The following NOS1 variants were observed in gnomAD, a reference collection of about 807,000 sequenced individuals.
NOS1 encodes the protein nitric oxide synthase 1.
A neutral mutation model predicts 164.5 loss-of-function variants in NOS1; 51 were observed. That is an observed-to-expected ratio of 0.31 (90% CI 0.25 to 0.39). The LOEUF (loss-of-function observed/expected upper bound fraction) is 0.39, where lower values mean the gene tolerates loss of function less well. NOS1 is among the 10% of genes least tolerant of loss of function. The pLI, the probability that NOS1 is intolerant of heterozygous loss-of-function variation, is 1.00. For missense variants in NOS1, 1,362 were observed against 1,885.6 expected (o/e 0.72, Z 5.14); for synonymous variants, 719 against 745.8 (o/e 0.96, Z 0.59).
At chr12:117,262,120 C>T (rs1871954188) in intron 13 of NOS1, among the ~76,000 whole-genome samples, 1 of 152,166 alleles carries the variant, frequency 6.6e-6, no homozygotes, top group African/African-American at 2.4e-5. Context: ...TGCAGGAAGA[C>T]TTAGCTAAGG....
chr12:117,273,539 A>G (rs1217831013), intron 9 of NOS1, among the ~76,000 whole-genome samples: 3 of 152,152 alleles, frequency 2.0e-5, no homozygotes, highest in African/African-American at 4.8e-5. Flanking sequence ...CACCAACTGA[A>G]TAGTTTCCCC....
At position 117,209,358 on chromosome 12, in the gene NOS1, A is replaced by C; in HGVS notation, c.*5951T>G. 1 of 980,974 alleles carries C rather than the reference A, an allele frequency of 1.0e-6. No individual in the cohort carries two copies. Among genetic ancestry groups the C allele is most frequent in the Non-Finnish European group, 1.2e-6 (1 of 825,908 alleles). 60.8% of individuals were successfully genotyped at this position (980,974 alleles called of 1,614,324 possible). ...CTACAGTACCCAAGACGGCCCCCACAAGAAAGAATTACCCAGCCCCAAATG... is the reference window on the plus strand; with the variant it reads ...CTACAGTACCCAAGACGGCCCCCACCAGAAAGAATTACCCAGCCCCAAATG... On this transcript the variant is annotated 3_prime_UTR_variant, in exon 29 of 29. Transcript: ENST00000317775.
chr12:117,288,409 A>G (rs1872848204), intron 4 of NOS1, among the ~76,000 whole-genome samples, 190 bp from the exon 5 acceptor site: 1 of 152,188 alleles, frequency 6.6e-6, no homozygotes, highest in African/African-American at 2.4e-5. Context: ...AATAAGTAGC[A>G]TTTTAAGGTT....
At position 117,284,766 on chromosome 12, in the gene NOS1, G is replaced by A. The variant is rs572407588; in HGVS notation, c.1382+475C>T. On this transcript the variant is annotated intron_variant, in intron 7 of 28. Coordinates refer to ENST00000317775, the MANE Select transcript of NOS1 (RefSeq NM_000620.5). ...GGATGGTGTATGGAATAAAGATGCC[G>A]GGGCTGGGCGTGGTGGCTCATGCCT... 6.6e-5 allele frequency among the ~76,000 whole-genome samples: 10 copies of A among 152,132 alleles called. No homozygotes were observed. The East Asian group carries it at 1.5e-3, about 24-fold the overall frequency.
chr12:117,297,015 G>T (rs1203427025), intron 3 of NOS1, among the ~76,000 whole-genome samples: 1 of 152,192 alleles, frequency 6.6e-6, no homozygotes, highest in African/African-American at 2.4e-5. Context: ...AGCCACCCAG[G>T]CAATGGTCCT....
chr12:117,269,736 G>C (rs1373495701), intron 10 of NOS1, among the ~76,000 whole-genome samples: 3 of 152,158 alleles, frequency 2.0e-5, no homozygotes, highest in Non-Finnish European at 4.4e-5. Flanking sequence ...AAAGTGCTGG[G>C]ATTACAGGCG....
At chr12:117,349,677 A>G (rs1876528015) in intron 1 of NOS1, among the ~76,000 whole-genome samples, 1 of 152,200 alleles carries the variant, frequency 6.6e-6, no homozygotes, top group Non-Finnish European at 1.5e-5. Flanking sequence ...CCCAGGGCTT[A>G]GCATGGTACC....
chr12:117,299,449 T>C (rs1343013733), intron 3 of NOS1, among the ~76,000 whole-genome samples: 2 of 151,868 alleles, frequency 1.3e-5, no homozygotes, highest in Non-Finnish European at 2.9e-5. Flanking sequence ...CCATCCTGGC[T>C]AACACGGTGA....
chr12:117,222,963 A>G, intron 25 of NOS1, 100 bp from the exon 26 acceptor site: 1 of 1,366,324 alleles, frequency 7.3e-7, no homozygotes, highest in Non-Finnish European at 1.0e-6. Flanking sequence ...AGCGTGTGCC[A>G]TGCGGATAGA....
intron 11 of NOS1, among the ~76,000 whole-genome samples, 183 bp downstream of exon 11, chr12:117,267,860 C>G (rs1163338232): frequency 6.6e-6 from 1 of 151,534 alleles, no homozygotes; most frequent in Non-Finnish European, 1.5e-5. Flanking sequence ...ATCAAATGGT[C>G]CCCACCCAAG....
rs955827186 is a variant in NOS1 at position 117,213,307 on chromosome 12, G to A, written c.*2002C>T. The A allele has an allele frequency of 1.1e-5, 11 of 985,398 alleles. No homozygotes were observed. The highest frequency in any genetic ancestry group is 4.7e-5 in the South Asian group (1 of 21,296). The allele number at this position is 985,398 out of a possible 1,614,324, so 61.0% of individuals were successfully genotyped here. On this transcript the variant is annotated 3_prime_UTR_variant, in exon 29 of 29. Transcript: ENST00000317775. ...TTGGGAGGAAAGCTACTAGGAGCTG[G>A]AAATGGGTTTGCAGGAAAGGAGTTT...
At position 117,212,122 on chromosome 12, in the gene NOS1, G is replaced by A. The variant is rs1956537718; in HGVS notation, c.*3187C>T. On this transcript the variant is annotated 3_prime_UTR_variant, in exon 29 of 29. Coordinates refer to ENST00000317775, the MANE Select transcript of NOS1 (RefSeq NM_000620.5). Reference sequence around the variant, plus strand: ...GAGGAACTGTGTTTTGCTTATCTCTGCAAACTGCCCGGTGCCTTCCACACA... The same window carrying A: ...GAGGAACTGTGTTTTGCTTATCTCTACAAACTGCCCGGTGCCTTCCACACA... The A allele has an allele frequency of 1.0e-6, 1 of 985,152 alleles. No individual in the cohort carries two copies. Among genetic ancestry groups the A allele is most frequent in the South Asian group, 4.7e-5 (1 of 21,292 alleles). The allele number at this position is 985,152 out of a possible 1,614,324, so 61.0% of individuals were successfully genotyped here. A position where few individuals can be genotyped will look rare whatever the true frequency, so the allele number is the denominator to read the frequency against.
intron 1 of NOS1, among the ~76,000 whole-genome samples, chr12:117,337,693 G>A (rs1173432801): frequency 6.6e-6 from 1 of 152,170 alleles, no homozygotes; most frequent in African/African-American, 2.4e-5. Flanking sequence ...GGTGGGGGTA[G>A]CATGGAAAGA....
chr12:117,215,497 C>T (rs1027942592), intron 28 of NOS1, among the ~76,000 whole-genome samples, 173 bp from the exon 29 acceptor site: 8 of 150,934 alleles, frequency 5.3e-5, no homozygotes, highest in Non-Finnish European at 1.2e-4. Context: ...AGTGCAGTGG[C>T]ACGATCCCAG....
chr12:117,343,144 T>C (rs1236975966), intron 1 of NOS1, among the ~76,000 whole-genome samples: 1 of 149,596 alleles, frequency 6.7e-6, no homozygotes, highest in Non-Finnish European at 1.5e-5. Context: ...GCCTGAGTAA[T>C]ATAGTAGGAC....
At chr12:117,295,227 G>A (rs1050127900) in intron 3 of NOS1, among the ~76,000 whole-genome samples, 7 of 152,194 alleles carry the variant, frequency 4.6e-5, no homozygotes, top group Admixed American at 2.6e-4. Flanking sequence ...ATCTGCAGAC[G>A]GCGTGGCCCA....
At position 117,268,063 on chromosome 12, in the gene NOS1, C is replaced by A; in HGVS notation, c.1921G>T (p.Ala641Ser). Residue 641 changes from alanine to serine, a missense_variant, in exon 11 of 29, where the codon GCG becomes TCG. This residue lies in a region of NOS1 where 134 missense variants were observed against 267.3 expected (regional missense o/e 0.50). Transcript: ENST00000317775. The stretch of plus-strand genomic sequence containing the variant: ...GTTACCTGGAAGCTATAGAGAACCG[C>A]GATATTGATCTCCACCAGCGCCTGG... ...KDQALVEINI[A>S]VLYSFQSDKV... 1 of 1,613,642 alleles carries A rather than the reference C, an allele frequency of 6.2e-7. No individual in the cohort carries two copies. Among genetic ancestry groups the A allele is most frequent in the Non-Finnish European group, 8.5e-7 (1 of 1,179,682 alleles).
intron 5 of NOS1, among the ~76,000 whole-genome samples, 163 bp from the exon 6 acceptor site, chr12:117,286,429 A>C (rs990552884): frequency 3.9e-5 from 6 of 152,210 alleles, no homozygotes; most frequent in Non-Finnish European, 7.3e-5. Flanking sequence ...CAGACACTGT[A>C]AACTCAAATG....
At chr12:117,304,257 C>T (rs762712499) in intron 3 of NOS1, among the ~76,000 whole-genome samples, 37 of 152,008 alleles carry the variant, frequency 2.4e-4, no homozygotes, top group Non-Finnish European at 4.4e-4. Flanking sequence ...TGATCCTTAG[C>T]GAAAAAAATA....
Sources: gnomAD v4.1 joint callset for allele counts (sites outside exome capture counted in the v4.1 genomes callset) on GRCh38, gnomAD v4.1.1 for gene constraint, gnomAD v4.1.1 regional missense constraint, MANE v1.5 for transcripts, NCBI Gene and HGNC (gene_info 2026-07-23, HGNC 2026-07-21) for gene names.